Variants in MYO18B observed in about 807,000 individuals in gnomAD.
MYO18B encodes unconventional myosin-XVIIIb.
MYO18B carries 204 observed loss-of-function variants against 273.0 expected under a neutral mutation model. The ratio of observed to expected loss-of-function variants is 0.75; its 90% CI spans 0.67 to 0.84. The LOEUF (loss-of-function observed/expected upper bound fraction) is 0.84, where lower values mean the gene tolerates loss of function less well. Among genes scored for constraint, MYO18B ranks in the 40% least tolerant of loss-of-function variants. The pLI is 0.00. For missense variants in MYO18B, 3,212 were observed against 3,287.6 expected (o/e 0.98, Z 0.56); for synonymous variants, 1,330 against 1,305.7 (o/e 1.02, Z -0.40).
intron 34 of MYO18B, among the ~76,000 whole-genome samples, chr22:25,921,984 T>C (rs146629510): frequency 1.3e-3 from 205 of 152,304 alleles, no homozygotes; most frequent in African/African-American, 4.5e-3. Context: ...AGTATGCTAA[T>C]GATATTGATC....
chr22:25,843,918 C>T (rs753030852), intron 18 of MYO18B, 24 bp downstream of exon 18: 24 of 1,589,560 alleles, frequency 1.5e-5, no homozygotes, highest in South Asian at 1.2e-4. Flanking sequence ...GGGTTGGGGA[C>T]GGGGATGGAG....
chr22:25,979,609 C>T (rs1387543591), intron 39 of MYO18B, among the ~76,000 whole-genome samples: 1 of 152,100 alleles, frequency 6.6e-6, no homozygotes, highest in Non-Finnish European at 1.5e-5. Flanking sequence ...TTGCCCCTTT[C>T]TGAGGATGCT....
rs371283219 is a variant in MYO18B, at chr22:25,921,288, G to A, written c.5396G>A (p.Arg1799Gln). 32 of 1,554,178 alleles carry A rather than the reference G, an allele frequency of 2.1e-5. No homozygotes were observed. Among genetic ancestry groups the A allele is most frequent in the East Asian group, 1.7e-4 (7 of 41,096 alleles). The change falls in exon 34 of 44, where the codon CGA becomes CAA. Residue 1799 changes from arginine (R) to glutamine (Q), a missense_variant. Arg to Gln is a conservative substitution (Grantham distance 43). Transcript: ENST00000335473. The part of the protein sequence containing the change: ...IGHRDFDVEK[R>Q]LRRDLRRTHA... ...CATCGGGACTTTGATGTGGAGAAGCGACTTCGGAGAGACCTCAGGAGGACA... is the reference window on the plus strand; with the variant it reads ...CATCGGGACTTTGATGTGGAGAAGCAACTTCGGAGAGACCTCAGGAGGACA...
At chr22:25,780,223 AG>A in intron 9 of MYO18B, 25 bp downstream of exon 9, 2 of 1,589,724 alleles carry the variant, frequency 1.3e-6, no homozygotes, top group Non-Finnish European at 8.5e-7. Flanking sequence ...GGGATGTGCA[AG>A]GGGGCCCTTG....
intron 1 of MYO18B, among the ~76,000 whole-genome samples, chr22:25,759,567 T>G (rs187714918): frequency 4.9e-4 from 74 of 152,292 alleles, no homozygotes; most frequent in African/African-American, 1.8e-3. Context: ...ATACCTAATG[T>G]AGATGATGGG....
intron 11 of MYO18B, among the ~76,000 whole-genome samples, chr22:25,786,041 T>C (rs951997462): frequency 1.3e-5 from 2 of 152,196 alleles, no homozygotes; most frequent in Non-Finnish European, 2.9e-5. Context: ...TTTCATTGCT[T>C]AAAAAAGCAA....
chr22:25,791,607 A>AT (rs889263902), intron 11 of MYO18B, among the ~76,000 whole-genome samples: 16 of 150,662 alleles, frequency 1.1e-4, no homozygotes, highest in African/African-American at 1.7e-4. Context: ...ACCTAGCCTA[A>AT]TTTTTTTTTT....
Position 25,893,670 on chromosome 22 carries a change from A to C in MYO18B, c.4544-1486A>C, listed in dbSNP as rs186931147. On this transcript the variant is annotated intron_variant, in intron 27 of 43. Transcript: ENST00000335473. ...AAGCTTGAACAAGCTTTAACTCTTT[A>C]TTATTATACCATCCGTTATTTGGTT... 1.0e-3 allele frequency among the ~76,000 whole-genome samples: 158 copies of C among 152,234 alleles called. 2 individuals are homozygous for C. The highest frequency in any genetic ancestry group is 3.8e-3 in the African/African-American group (157 of 41,548).
rs779302770 is a variant in MYO18B at position 25,890,845 on chromosome 22, A to T, written c.4404A>T (p.Leu1468=). Residue 1468 remains leucine, a synonymous_variant, in exon 26 of 44, where the codon CTA becomes CTT. Transcript: ENST00000335473. ...QVLESERAER[L]QAFREVQELK... The stretch of plus-strand genomic sequence containing the variant: ...TGGAGAGTGAGCGGGCAGAGCGGCT[A>T]CAGGCCTTCCGGGAGGTCCAGGAGC... 1.9e-6 allele frequency: 3 copies of T among 1,613,814 alleles called. No individual in the cohort carries two copies. The Admixed American group carries it at 5.0e-5, about 27-fold the overall frequency.
At chr22:25,974,498 CA>C (rs939441282) in intron 39 of MYO18B, among the ~76,000 whole-genome samples, 2 of 152,148 alleles carry the variant, frequency 1.3e-5, no homozygotes, top group African/African-American at 4.8e-5. Flanking sequence ...GATTTTAGAA[CA>C]GGGGCCAGTC....
chr22:26,002,927 T>C (rs1237486925), intron 40 of MYO18B, among the ~76,000 whole-genome samples: 1 of 152,188 alleles, frequency 6.6e-6, no homozygotes, highest in Non-Finnish European at 1.5e-5. Flanking sequence ...TTGTTAGCAA[T>C]AACAATGCTA....
chr22:25,841,697 T>A (rs73879565), intron 17 of MYO18B, among the ~76,000 whole-genome samples: 4,891 of 152,246 alleles, frequency 0.032, 263 homozygotes, highest in African/African-American at 0.11. Flanking sequence ...AACATCAACA[T>A]CCTTTCTTCT....
At chr22:25,889,687 C>T (rs1247411447) in intron 25 of MYO18B, among the ~76,000 whole-genome samples, 2 of 151,984 alleles carry the variant, frequency 1.3e-5, no homozygotes, top group Admixed American at 6.6e-5. Context: ...TCTCCCGTTA[C>T]GTACTCTGCC....
intron 39 of MYO18B, among the ~76,000 whole-genome samples, chr22:25,984,328 C>T (rs1470171527): frequency 6.6e-6 from 1 of 152,170 alleles, no homozygotes; most frequent in East Asian, 1.9e-4. Flanking sequence ...CTCTCCCTCT[C>T]CCCACTCACC....
intron 40 of MYO18B, among the ~76,000 whole-genome samples, chr22:25,993,502 G>T (rs902078956): frequency 6.6e-6 from 1 of 152,168 alleles, no homozygotes; most frequent in Admixed American, 6.5e-5. Flanking sequence ...CTCTGCGAAG[G>T]CTGTTTTTTT....
At chr22:26,003,545 A>T (rs529912928) in intron 41 of MYO18B, among the ~76,000 whole-genome samples, 1 of 152,126 alleles carries the variant, frequency 6.6e-6, no homozygotes, top group African/African-American at 2.4e-5. Context: ...GACACCTTCA[A>T]TGGCTCCCTA....
intron 39 of MYO18B, among the ~76,000 whole-genome samples, chr22:25,962,548 T>A (rs183510766): frequency 4.6e-5 from 7 of 152,350 alleles, no homozygotes; most frequent in Admixed American, 4.6e-4. Flanking sequence ...TACCTAGCCC[T>A]GTGCCTGATG....
At chr22:26,006,407 G>A (rs1601816612) in intron 42 of MYO18B, 1 of 253,168 alleles carries the variant, frequency 3.9e-6, no homozygotes, top group East Asian at 9.3e-5. Context: ...GTAATGGCCT[G>A]TTGAAAAGTT....
rs777553992 is a variant in MYO18B, at chr22:25,823,648, T to C, written c.2665T>C (p.Trp889Arg). Residue 889 changes from tryptophan to arginine, a missense_variant, in exon 13 of 44, where the codon TGG (tryptophan) becomes CGG (arginine). Coordinates refer to ENST00000335473, the MANE Select transcript of MYO18B (RefSeq NM_032608.7). ...GCAAATGACGTTTGGGCCAAGCCGA[T>C]GGGGCCTCGAGGATGAGGAAACCAG... ...IQQMTFGPSR[W>R]GLEDEETSSG... 3.7e-6 allele frequency: 6 copies of C among 1,613,810 alleles called. No individual in the cohort carries two copies. The highest frequency in any genetic ancestry group is 4.5e-5 in the East Asian group (2 of 44,878).
Sources: allele counts gnomAD v4.1 joint callset (sites outside exome capture counted in the v4.1 genomes callset), GRCh38; gene constraint gnomAD v4.1.1; transcripts MANE v1.5; gene names NCBI Gene and HGNC (gene_info 2026-07-23, HGNC 2026-07-21).